Variants in RRBP1 observed in about 807,000 individuals in gnomAD.
RRBP1 encodes the protein ribosome binding protein 1.
A neutral mutation model predicts 165.2 loss-of-function variants in RRBP1; 94 were observed. The observed-to-expected ratio is 0.57, with a 90% CI of 0.48 to 0.68. The LOEUF is 0.68. Among genes scored for constraint, RRBP1 ranks in the 30% least tolerant of loss-of-function variants. RRBP1 has a pLI of 0.00. For synonymous variants in RRBP1, 680 were observed against 714.5 expected (o/e 0.95, Z 0.77); for missense variants, 1,676 against 1,763.0 (o/e 0.95, Z 0.88).
chr20:17,657,749 T>C (rs1323040983), intron 3 of RRBP1, among the ~76,000 whole-genome samples: 1 of 152,198 alleles, frequency 6.6e-6, no homozygotes, highest in Non-Finnish European at 1.5e-5. Flanking sequence ...AAACCAGTGC[T>C]TCATATGATC....
intron 9 of RRBP1, among the ~76,000 whole-genome samples, chr20:17,629,152 T>C (rs1267683812): frequency 6.6e-6 from 1 of 152,244 alleles, no homozygotes; most frequent in Non-Finnish European, 1.5e-5. Context: ...TGCAATCCTG[T>C]CCTTGCAGGT....
intron 24 of RRBP1, 109 bp downstream of exon 24, chr20:17,614,628 G>C (rs958677660): frequency 7.2e-7 from 1 of 1,396,724 alleles, no homozygotes; most frequent in South Asian, 1.3e-5. Flanking sequence ...CCAGCCCAGC[G>C]CTCCCAGCAG....
Position 17,636,751 on chromosome 20 carries a change from G to C in RRBP1, c.2185-22C>G, listed in dbSNP as rs755922595. On this transcript the variant is annotated intron_variant, in intron 5 of 24. Coordinates refer to ENST00000377813, the MANE Select transcript of RRBP1 (RefSeq NM_001365613.2). ...TCTCCTGGGGGGAAAGTAGCAGAGA[G>C]AGGGGCTGGTAAGCCTTGCAGGGCA... 3.7e-6 allele frequency: 6 copies of C among 1,611,790 alleles called. No homozygotes were observed. The African/African-American group carries it at 5.3e-5, about 14-fold the overall frequency.
rs374785645 is a variant in RRBP1 at position 17,627,466 on chromosome 20, T to G, written c.2928+38A>C. On this transcript the variant is annotated intron_variant, in intron 10 of 24. Transcript: ENST00000377813. ...TAGTCCACCCACCTGCTAGATGGAG[T>G]TCCCTTTCCTCCCCGTGGCCCCAGG... is the stretch of plus-strand genomic sequence containing the variant. The G allele has an allele frequency of 2.1e-4, 343 of 1,605,466 alleles. No homozygotes were observed. In the African/African-American group the frequency reaches 4.0e-3, roughly 19 times the overall value.
intron 8 of RRBP1, 34 bp downstream of exon 8, chr20:17,633,426 A>C: frequency 6.2e-7 from 1 of 1,601,236 alleles, no homozygotes; most frequent in Non-Finnish European, 8.5e-7. Context: ...TGGGCAGTGA[A>C]CAGGGCACTG....
chr20:17,633,375 C>T (rs1039686969), intron 8 of RRBP1, 85 bp downstream of exon 8: 18 of 1,452,388 alleles, frequency 1.2e-5, no homozygotes, highest in Admixed American at 4.0e-5. Flanking sequence ...CAGTGTGGCA[C>T]GGCCAGCCTG....
chr20:17,648,742 T>C (rs910153212), intron 3 of RRBP1, among the ~76,000 whole-genome samples: 3 of 152,192 alleles, frequency 2.0e-5, no homozygotes, highest in African/African-American at 7.2e-5. Context: ...TTCCTCCAAA[T>C]TTCAACAAAA....
chr20:17,629,924 C>G lies in RRBP1; in HGVS notation c.2648G>C (p.Arg883Pro). Residue 883 changes from arginine to proline, a missense_variant, in exon 9 of 25, where the codon CGC becomes CCC. Physicochemically the swap from Arg to Pro is moderately radical, Grantham distance 103 (BLOSUM62 -2). This residue lies in a region of RRBP1 where 1,184 missense variants were observed against 1,167.1 expected (regional missense o/e 1.01). Transcript: ENST00000377813. The part of the protein sequence containing the change: ...HRESEEALQK[R>P]LDEVSRELCH... ...CAGCTCCCGGCTGACCTCGTCCAGG[C>G]GCTTCTGCAGGGCCTCCTCACTCTC... 6.3e-7 allele frequency: 1 copy of G among 1,599,956 alleles called. No individual in the cohort carries two copies. The highest frequency in any genetic ancestry group is 8.5e-7 in the Non-Finnish European group (1 of 1,179,278).
In RRBP1 at chr20:17,636,733, G is replaced by C; in HGVS notation, c.2185-4C>G. On this transcript the variant is annotated splice_polypyrimidine_tract_variant and splice_region_variant and intron_variant, in intron 5 of 24. Transcript: ENST00000377813. ...TGGCCTTTTCTGCTGCCATCTCCTG[G>C]GGGGAAAGTAGCAGAGAGAGGGGCT... 1 of 1,612,624 alleles carries C rather than the reference G, an allele frequency of 6.2e-7. No individual in the cohort carries two copies. Among genetic ancestry groups the C allele is most frequent in the Non-Finnish European group, 8.5e-7 (1 of 1,180,020 alleles).
At chr20:17,627,428 C>T (rs759126419) in intron 10 of RRBP1, 46 bp from the exon 11 acceptor site, 1 of 1,612,644 alleles carries the variant, frequency 6.2e-7, no homozygotes, top group Non-Finnish European at 8.5e-7. Context: ...AGACTCATCT[C>T]ACGCAGCGGG....
At chr20:17,675,088 C>T (rs1216074420) in intron 2 of RRBP1, among the ~76,000 whole-genome samples, 1 of 152,252 alleles carries the variant, frequency 6.6e-6, no homozygotes, top group African/African-American at 2.4e-5. Context: ...AGACTGAGGG[C>T]TCCCAGGAGA....
At chr20:17,625,917 C>A (rs1474542227) in intron 11 of RRBP1, among the ~76,000 whole-genome samples, 1 of 152,134 alleles carries the variant, frequency 6.6e-6, no homozygotes, top group African/African-American at 2.4e-5. Context: ...TCTCCTGGGG[C>A]CCTCACAGCT....
chr20:17,649,730 C>A lies in RRBP1; in HGVS notation c.1913-6603G>T, dbSNP rs189907118. On this transcript the variant is annotated intron_variant, in intron 3 of 24. Transcript: ENST00000377813. ...CTTCCCCATACCCCCTGACCTGTGA[C>A]CCCAGCCCCATTAGATTGCAGAACA... is the stretch of plus-strand genomic sequence containing the variant. Among the ~76,000 whole-genome samples the A allele has an allele frequency of 1.5e-4, 23 of 152,252 alleles. 1 individual carries two copies. Among genetic ancestry groups the A allele is most frequent in the Admixed American group, 1.4e-3 (22 of 15,278 alleles).
rs780148923 is a variant in RRBP1 at position 17,633,515 on chromosome 20, C to T, written c.2555G>A (p.Arg852Gln). 12 of 1,614,046 alleles carry T rather than the reference C, an allele frequency of 7.4e-6. No homozygotes were observed. The highest frequency in any genetic ancestry group is 2.7e-5 in the African/African-American group (2 of 75,064). Residue 852 changes from arginine to glutamine, a missense_variant, in exon 8 of 25, where the codon CGG becomes CAG. Transcript: ENST00000377813. ...AGCTGCCTTGGCTTCCAGAGCTTTC[C>T]GCTGCTGCTCATCTTGCCGCACAGC... is the stretch of plus-strand genomic sequence containing the variant. ...SEAVRQDEQQ[R>Q]KALEAKAAAF...
At chr20:17,619,496 T>A in intron 19 of RRBP1, 137 bp downstream of exon 19, 2 of 593,064 alleles carry the variant, frequency 3.4e-6, no homozygotes, top group South Asian at 4.9e-5. Context: ...CCTGTGAGGC[T>A]TCGGGCAAAC....
At chr20:17,614,669 C>A in intron 24 of RRBP1, 68 bp downstream of exon 24, 7 of 1,586,820 alleles carry the variant, frequency 4.4e-6, no homozygotes, top group Non-Finnish European at 5.1e-6. Flanking sequence ...CTGCCTCTCC[C>A]GGTCCTGCCT....
chr20:17,626,647 A>C (rs1354428681), intron 11 of RRBP1, among the ~76,000 whole-genome samples: 1 of 152,158 alleles, frequency 6.6e-6, no homozygotes, highest in African/African-American at 2.4e-5. Context: ...ACCCCTAGCC[A>C]CGGCGGCCAG....
intron 2 of RRBP1, among the ~76,000 whole-genome samples, chr20:17,676,995 G>A (rs1167636574): frequency 1.3e-5 from 2 of 151,360 alleles, no homozygotes; most frequent in Non-Finnish European, 2.9e-5. Context: ...CGATCCACCC[G>A]CCTTGGCCTC....
chr20:17,627,725 C>A (rs1243875432), intron 9 of RRBP1, 43 bp from the exon 10 acceptor site: 2 of 1,530,318 alleles, frequency 1.3e-6, no homozygotes. Context: ...AGACTGCAAA[C>A]CCCAGGGGGT....
Sources: gnomAD v4.1 joint callset for allele counts (sites outside exome capture counted in the v4.1 genomes callset) on GRCh38, gnomAD v4.1.1 for gene constraint, gnomAD v4.1.1 regional missense constraint, MANE v1.5 for transcripts, NCBI Gene and HGNC (gene_info 2026-07-23, HGNC 2026-07-21) for gene names.